The following SLC12A3 variants were observed in gnomAD, a reference collection of about 807,000 sequenced individuals.
The protein encoded by SLC12A3 is Na-Cl cotransporter.
Under a neutral mutation model 121.0 loss-of-function variants are expected in SLC12A3, and 104 were observed. The observed-to-expected ratio is 0.86, with a 90% CI of 0.73 to 1.01. SLC12A3 has a LOEUF of 1.01. Ranked by LOEUF, SLC12A3 falls within the 50% of genes least tolerant of loss-of-function variation. The pLI, the probability that SLC12A3 is intolerant of heterozygous loss-of-function variation, is 0.00. For missense variants in SLC12A3, 1,328 were observed against 1,356.3 expected (o/e 0.98, Z 0.33); for synonymous variants, 536 against 533.4 (o/e 1.00, Z -0.07).
chr16:56,881,495 C>T (rs141724276), intron 12 of SLC12A3, among the ~76,000 whole-genome samples: 2,107 of 152,106 alleles, frequency 0.014, 47 homozygotes, highest in Non-Finnish European at 0.018. Context: ...CTCAGATGCT[C>T]CGGGCAGGGT....
At chr16:56,880,331 TTC>T (rs2055224156) in intron 12 of SLC12A3, 78 bp downstream of exon 12, 3 of 1,504,126 alleles carry the variant, frequency 2.0e-6, no homozygotes, top group Non-Finnish European at 2.7e-6. Context: ...GGCCGGGCTC[TTC>T]TCCTGTCTCC....
intron 25 of SLC12A3, among the ~76,000 whole-genome samples, chr16:56,908,685 A>AT (rs1323976090): frequency 2.0e-5 from 3 of 152,102 alleles, no homozygotes; most frequent in South Asian, 2.1e-4. Context: ...TAGGGACATG[A>AT]TTTTTTTGTA....
Position 56,905,129 on chromosome 16 carries a change from C to T in SLC12A3, c.2924+667C>T, listed in dbSNP as rs182185879. On this transcript the variant is annotated intron_variant, in intron 25 of 25. Transcript: ENST00000563236. ...CTGAGGCGGGCAGATCACCTGAGGT[C>T]GGGAGGTCGAGACCAGCCTGACCAA... Among the ~76,000 whole-genome samples, 737 of 152,092 alleles carry T rather than the reference C, an allele frequency of 4.8e-3. 3 individuals carry two copies. The highest frequency in any genetic ancestry group is 0.018 in the South Asian group (85 of 4,800).
At chr16:56,891,931 GA>G in intron 19 of SLC12A3, 151 bp from the exon 20 acceptor site, 1 of 731,014 alleles carries the variant, frequency 1.4e-6, no homozygotes, top group South Asian at 1.4e-5. Flanking sequence ...AGGCAGGTCA[GA>G]GGGAGGCCAA....
intron 18 of SLC12A3, among the ~76,000 whole-genome samples, chr16:56,888,436 G>A (rs1314156451): frequency 6.6e-6 from 1 of 152,218 alleles, no homozygotes; most frequent in Non-Finnish European, 1.5e-5. Flanking sequence ...GTGATAGGGA[G>A]CAGTGGAGAC....
Position 56,892,143 on chromosome 16 carries a change from C to T in SLC12A3, c.2419+10C>T, listed in dbSNP as rs1375895646. ...GAAGCCAGCGCCAGAGGTGCCAGGCCATCAGTCTCTGGCGCTTGTCAGTGT... is the reference window on the plus strand; with the variant it reads ...GAAGCCAGCGCCAGAGGTGCCAGGCTATCAGTCTCTGGCGCTTGTCAGTGT... On this transcript the variant is annotated intron_variant, in intron 20 of 25. Transcript: ENST00000563236. 2 of 1,613,230 alleles carry T rather than the reference C, an allele frequency of 1.2e-6. No individual in the cohort carries two copies. The highest frequency in any genetic ancestry group is 1.7e-6 in the Non-Finnish European group (2 of 1,179,440).
intron 19 of SLC12A3, among the ~76,000 whole-genome samples, chr16:56,890,636 C>T (rs757918934): frequency 7.9e-5 from 12 of 152,162 alleles, no homozygotes; most frequent in African/African-American, 1.4e-4. Flanking sequence ...TGGTGGCTCA[C>T]GCCTGTAATC....
In SLC12A3 at chr16:56,893,009, C is replaced by G. The variant is rs2055410634; in HGVS notation, c.2476C>G (p.Gln826Glu). ...EQATTIFQSE[Q>E]GKKTIDIYWL... ...GGCCACCACCATCTTCCAGTCGGAG[C>G]AGGGCAAGAAGACCATAGACATCTA... Residue 826 changes from glutamine to glutamate, a missense_variant, in exon 21 of 26, where the codon CAG becomes GAG. Physicochemically the swap from Gln to Glu is conservative, Grantham distance 29. Coordinates refer to ENST00000563236, the MANE Select transcript of SLC12A3 (RefSeq NM_001126108.2). 6.2e-7 allele frequency: 1 copy of G among 1,614,192 alleles called. No individual in the cohort carries two copies. Among genetic ancestry groups the G allele is most frequent in the South Asian group, 1.1e-5 (1 of 91,084 alleles).
intron 19 of SLC12A3, among the ~76,000 whole-genome samples, chr16:56,891,062 T>C (rs1473773591): frequency 6.6e-6 from 1 of 151,866 alleles, no homozygotes; most frequent in Non-Finnish European, 1.5e-5. Flanking sequence ...CATATATGAC[T>C]GCAGACTCTG....
At chr16:56,898,793 C>G (rs1401998696) in intron 22 of SLC12A3, among the ~76,000 whole-genome samples, 1 of 152,206 alleles carries the variant, frequency 6.6e-6, no homozygotes, top group African/African-American at 2.4e-5. Context: ...TGTGGGTTAT[C>G]TTCGCTTCCT....
chr16:56,886,265 G>A (rs2144728157), intron 15 of SLC12A3, 99 bp from the exon 16 acceptor site: 2 of 819,726 alleles, frequency 2.4e-6, no homozygotes, highest in South Asian at 1.4e-5. Flanking sequence ...CATGCTGGTG[G>A]CCACACCACC....
In SLC12A3 at chr16:56,870,165, C is replaced by A. The variant is rs1437937060; in HGVS notation, c.671C>A (p.Ala224Asp). Residue 224 changes from alanine to aspartate, a missense_variant, in exon 5 of 26, where the codon GCT becomes GAT. Coordinates refer to ENST00000563236, the MANE Select transcript of SLC12A3 (RefSeq NM_001126108.2). ...ELGGSIGLIFAFANAVGVAMH... is the reference protein window; with the variant it reads ...ELGGSIGLIFDFANAVGVAMH... ...GGGGGCTCCATCGGCCTCATTTTCG[C>A]TTTCGCCAATGCCGTGGGTGTGGCC... 1 of 1,614,108 alleles carries A rather than the reference C, an allele frequency of 6.2e-7. No homozygotes were observed. The highest frequency in any genetic ancestry group is 8.5e-7 in the Non-Finnish European group (1 of 1,180,046).
chr16:56,872,810 T>C, intron 8 of SLC12A3, 24 bp downstream of exon 8: 1 of 1,613,946 alleles, frequency 6.2e-7, no homozygotes, highest in South Asian at 1.1e-5. Context: ...TTGCCCCTCC[T>C]GTGTCCTGGC....
chr16:56,889,928 G>C (rs1411441468), intron 18 of SLC12A3, among the ~76,000 whole-genome samples: 1 of 152,192 alleles, frequency 6.6e-6, no homozygotes, highest in African/African-American at 2.4e-5. Flanking sequence ...CCAAAACTCA[G>C]TTTTTGCATC....
Position 56,915,666 on chromosome 16 carries a change from C to T in SLC12A3, c.*2261C>T, listed in dbSNP as rs1191932209. 3 of 152,178 alleles carry T rather than the reference C, an allele frequency of 2.0e-5. No homozygotes were observed. The East Asian group carries it at 5.8e-4, about 29-fold the overall frequency. 9.4% of individuals were successfully genotyped at this position (152,178 alleles called of 1,614,324 possible). ...AAAACAATTTTCTGGTTCTTCAAAC[C>T]TCAAAGAGTCCTTGGTCCAAAAAAC... On this transcript the variant is annotated 3_prime_UTR_variant, in exon 26 of 26. Coordinates refer to ENST00000563236, the MANE Select transcript of SLC12A3 (RefSeq NM_001126108.2).
intron 21 of SLC12A3, among the ~76,000 whole-genome samples, chr16:56,894,133 A>T (rs2055430815): frequency 6.6e-6 from 1 of 151,772 alleles, no homozygotes. Context: ...CCTCCTGAGT[A>T]GCTGGGATTA....
chr16:56,902,349 C>T, intron 23 of SLC12A3, 24 bp from the exon 24 acceptor site: 1 of 1,614,070 alleles, frequency 6.2e-7, no homozygotes, highest in Non-Finnish European at 8.5e-7. Flanking sequence ...CTCAGCCGGC[C>T]TCAACCCACT....
intron 13 of SLC12A3, 109 bp from the exon 14 acceptor site, chr16:56,883,940 C>A: frequency 8.0e-7 from 1 of 1,255,832 alleles, no homozygotes; most frequent in Non-Finnish European, 1.1e-6. Context: ...CAGGCTGGGA[C>A]CCCGGCTCTG....
Position 56,913,885 on chromosome 16 carries a change from G to A in SLC12A3, c.*480G>A, listed in dbSNP as rs1220446342. Reference sequence around the variant, plus strand: ...CTCTAAGGAATGCAGGTCTCTCTCTGAGCCTCCACAGCCAGGCAAATACAT... The same window carrying A: ...CTCTAAGGAATGCAGGTCTCTCTCTAAGCCTCCACAGCCAGGCAAATACAT... On this transcript the variant is annotated 3_prime_UTR_variant, in exon 26 of 26. Transcript: ENST00000563236. The A allele has an allele frequency of 5.5e-6, 1 of 182,378 alleles. No individual in the cohort carries two copies. Among genetic ancestry groups the A allele is most frequent in the African/African-American group, 2.4e-5 (1 of 42,126 alleles). The allele number at this position is 182,378 out of a possible 1,614,324, so 11.3% of individuals were successfully genotyped here. A position where few individuals can be genotyped will look rare whatever the true frequency, so the allele number is the denominator to read the frequency against.
Sources: gnomAD v4.1 joint callset for allele counts (sites outside exome capture counted in the v4.1 genomes callset) on GRCh38, gnomAD v4.1.1 for gene constraint, MANE v1.5 for transcripts, NCBI Gene and HGNC (gene_info 2026-07-23, HGNC 2026-07-21) for gene names.